GBE1: variants seen among roughly 807,000 people sequenced by gnomAD.
GBE1 encodes the protein 1,4-alpha-glucan branching enzyme 1, also known as 1,4-alpha-glucan-branching enzyme.
GBE1 carries 70 observed loss-of-function variants against 88.8 expected under a neutral mutation model. The ratio of observed to expected loss-of-function variants is 0.79; its 90% CI spans 0.65 to 0.96. The LOEUF is 0.96. GBE1 is among the 40% of genes least tolerant of loss of function. The probability of loss-of-function intolerance (pLI) is 0.00; values close to 1 mark genes in which losing one functional copy is unlikely to be tolerated. For synonymous variants in GBE1, 284 were observed against 300.1 expected (o/e 0.95, Z 0.56); for missense variants, 872 against 871.0 (o/e 1.00, Z -0.01).
intron 7 of GBE1, among the ~76,000 whole-genome samples, chr3:81,596,858 T>C (rs891733546): frequency 6.6e-6 from 1 of 151,968 alleles, no homozygotes; most frequent in Non-Finnish European, 1.5e-5. Context: ...TCACTGAATC[T>C]AAGATTTGTC....
chr3:81,713,452 A>G (rs1705899293), intron 1 of GBE1, among the ~76,000 whole-genome samples: 1 of 152,250 alleles, frequency 6.6e-6, no homozygotes, highest in Non-Finnish European at 1.5e-5. Context: ...GGAATAAAAC[A>G]TAAAATCCTT....
Position 81,536,933 on chromosome 3 carries a change from T to C in GBE1, c.1781A>G (p.Tyr594Cys), listed in dbSNP as rs370246900. ...TACCTGTGGAGCTGCAAGCCAACCA[T>C]ATCTTTCTTCCAATCTATTCATATC... The part of the protein sequence containing the change: ...DRDMNRLEER[Y>C]GWLAAPQAYV... Residue 594 changes from tyrosine to cysteine, a missense_variant, in exon 13 of 16, where the codon TAT becomes TGT. Transcript: ENST00000429644. 15 of 1,584,548 alleles carry C rather than the reference T, an allele frequency of 9.5e-6. No individual in the cohort carries two copies. The Middle Eastern group carries it at 6.7e-4, about 71-fold the overall frequency.
At chr3:81,558,512 T>C (rs1703378109) in intron 12 of GBE1, among the ~76,000 whole-genome samples, 3 of 151,982 alleles carry the variant, frequency 2.0e-5, no homozygotes, top group South Asian at 2.1e-4. Flanking sequence ...ATTAGCAAAA[T>C]TCAAAAATTC....
At chr3:81,750,647 A>ATATATATATATG (rs1559708872) in intron 1 of GBE1, among the ~76,000 whole-genome samples, 2 of 48,376 alleles carry the variant, frequency 4.1e-5, no homozygotes, top group Non-Finnish European at 6.7e-5. Context: ...ATATATATGT[A>ATATATATATATG]TATATATATA....
chr3:81,663,537 CT>C (rs777707379), intron 3 of GBE1, among the ~76,000 whole-genome samples: 5 of 152,140 alleles, frequency 3.3e-5, no homozygotes, highest in Non-Finnish European at 7.4e-5. Context: ...GCTACTTCCA[CT>C]CGATAAAACC....
intron 12 of GBE1, among the ~76,000 whole-genome samples, chr3:81,549,620 G>A (rs9815184): frequency 0.065 from 9,875 of 151,406 alleles, 689 homozygotes; most frequent in African/African-American, 0.14. Flanking sequence ...GACTTCAAGA[G>A]TAGAGGAATT....
intron 3 of GBE1, among the ~76,000 whole-genome samples, chr3:81,661,482 G>A (rs2107097919): frequency 6.6e-6 from 1 of 152,284 alleles, no homozygotes; most frequent in Non-Finnish European, 1.5e-5. Context: ...TTAAACACTT[G>A]TTGAGATTGA....
intron 7 of GBE1, 89 bp from the exon 8 acceptor site, chr3:81,594,112 A>T (rs1435331055): frequency 1.7e-6 from 1 of 595,642 alleles, no homozygotes; most frequent in Non-Finnish European, 3.0e-6. Context: ...CTAAAATTAT[A>T]GGGCTCTATC....
intron 13 of GBE1, among the ~76,000 whole-genome samples, chr3:81,535,632 C>T (rs969273686): frequency 1.3e-5 from 2 of 151,756 alleles, no homozygotes; most frequent in Non-Finnish European, 1.5e-5. Flanking sequence ...ACAAAGTGTT[C>T]GTTTGTATAT....
chr3:81,719,360 G>A (rs1024250557), intron 1 of GBE1, among the ~76,000 whole-genome samples: 2 of 152,062 alleles, frequency 1.3e-5, no homozygotes, highest in Admixed American at 6.6e-5. Context: ...GGGATTACAG[G>A]CACGTGCCAC....
chr3:81,634,842 C>T (rs1704570664), intron 7 of GBE1, among the ~76,000 whole-genome samples: 1 of 152,052 alleles, frequency 6.6e-6, no homozygotes, highest in South Asian at 2.1e-4. Context: ...GGCAGGGAAG[C>T]ATGGTAGGGA....
At chr3:81,699,912 T>C (rs565734846) in intron 2 of GBE1, among the ~76,000 whole-genome samples, 5 of 152,206 alleles carry the variant, frequency 3.3e-5, no homozygotes, top group Non-Finnish European at 7.3e-5. Context: ...CTCATTGACA[T>C]AAGGCTTGGC....
At chr3:81,497,668 C>G (rs947219005) in intron 15 of GBE1, among the ~76,000 whole-genome samples, 1 of 152,126 alleles carries the variant, frequency 6.6e-6, no homozygotes, top group Non-Finnish European at 1.5e-5. Flanking sequence ...TTTAGAAAAG[C>G]TGGCTATGTA....
chr3:81,657,140 A>G (rs1046139262), intron 3 of GBE1, among the ~76,000 whole-genome samples: 1 of 151,216 alleles, frequency 6.6e-6, no homozygotes, highest in Non-Finnish European at 1.5e-5. Flanking sequence ...GTCTCAAAAA[A>G]AAAAAAAACA....
chr3:81,750,158 A>G (rs1223219314), intron 1 of GBE1, among the ~76,000 whole-genome samples: 1 of 152,170 alleles, frequency 6.6e-6, no homozygotes, highest in Non-Finnish European at 1.5e-5. Context: ...AAAAGCAAAC[A>G]GGTAAACAAA....
intron 14 of GBE1, among the ~76,000 whole-genome samples, chr3:81,503,709 C>T (rs954645206): frequency 1.3e-5 from 2 of 152,066 alleles, no homozygotes; most frequent in African/African-American, 2.4e-5. Flanking sequence ...GGGAGGTGCG[C>T]GTAAGTCAAA....
chr3:81,665,991 C>T (rs200939169), intron 3 of GBE1, among the ~76,000 whole-genome samples: 1 of 50,452 alleles, frequency 2.0e-5, no homozygotes, highest in African/African-American at 1.5e-4. Flanking sequence ...TTTTTATAGT[C>T]GAATGCTTAG....
intron 2 of GBE1, among the ~76,000 whole-genome samples, chr3:81,696,228 T>C (rs1164685756): frequency 6.6e-6 from 1 of 152,176 alleles, no homozygotes; most frequent in Non-Finnish European, 1.5e-5. Flanking sequence ...GACTAATCAG[T>C]GAATTCCAAT....
At chr3:81,708,040 A>G (rs191447422) in intron 1 of GBE1, among the ~76,000 whole-genome samples, 1 of 152,158 alleles carries the variant, frequency 6.6e-6, no homozygotes, top group Admixed American at 6.5e-5. Flanking sequence ...CAGTTTTCCT[A>G]AAACTATAAT....
Sources: allele counts gnomAD v4.1 joint callset (sites outside exome capture counted in the v4.1 genomes callset), GRCh38; gene constraint gnomAD v4.1.1; transcripts MANE v1.5; gene names NCBI Gene and HGNC (gene_info 2026-07-23, HGNC 2026-07-21).